The following MAP3K5 variants were observed in gnomAD, a reference collection of about 807,000 sequenced individuals.
The protein encoded by MAP3K5 is ASK-1.
MAP3K5 carries 56 observed loss-of-function variants against 158.7 expected under a neutral mutation model. The ratio of observed to expected loss-of-function variants is 0.35; its 90% CI spans 0.28 to 0.44. The LOEUF (loss-of-function observed/expected upper bound fraction) is 0.44, where lower values mean the gene tolerates loss of function less well. Among genes scored for constraint, MAP3K5 ranks in the 20% least tolerant of loss-of-function variants. The probability of loss-of-function intolerance (pLI) is 1.00; values close to 1 mark genes in which losing one functional copy is unlikely to be tolerated. For synonymous variants in MAP3K5, 579 were observed against 601.7 expected (o/e 0.96, Z 0.55); for missense variants, 1,294 against 1,674.8 (o/e 0.77, Z 3.97).
At chr6:136,635,383 TA>T (rs1293118777) in intron 14 of MAP3K5, among the ~76,000 whole-genome samples, 1 of 152,014 alleles carries the variant, frequency 6.6e-6, no homozygotes, top group African/African-American at 2.4e-5. Flanking sequence ...GAATAAGAAA[TA>T]AAAAATTGTA....
intron 15 of MAP3K5, among the ~76,000 whole-genome samples, chr6:136,621,031 G>C (rs1173701574): frequency 6.6e-6 from 1 of 151,896 alleles, no homozygotes; most frequent in Non-Finnish European, 1.5e-5. Context: ...AGTAATTGCG[G>C]TTTTTGCCAT....
In MAP3K5 at chr6:136,611,462, A is replaced by G. The variant is rs532949828; in HGVS notation, c.2416-75T>C. On this transcript the variant is annotated intron_variant, in intron 17 of 29. Transcript: ENST00000359015. ...GTCTGTTGTTGACTTGGTAAGTCCA[A>G]TTTAAAAAAAAAAAAGGTGTCCTTA... 577 of 770,670 alleles carry G rather than the reference A, an allele frequency of 7.5e-4. 1 individual carries two copies. The highest frequency in any genetic ancestry group is 3.5e-3 in the Middle Eastern group (14 of 4,056). 47.7% of individuals were successfully genotyped at this position (770,670 alleles called of 1,614,324 possible).
chr6:136,580,529 T>C, intron 24 of MAP3K5, 123 bp from the exon 25 acceptor site: 4 of 569,746 alleles, frequency 7.0e-6, no homozygotes, highest in Non-Finnish European at 1.3e-5. Flanking sequence ...TTGAATTCTT[T>C]GTAATTCTTT....
At position 136,592,191 on chromosome 6, in the gene MAP3K5, T is replaced by C. The variant is rs770762953; in HGVS notation, c.3207A>G (p.Leu1069=). Residue 1069 remains leucine (L), a synonymous_variant, in exon 23 of 30, where the codon CTA becomes CTG. Transcript: ENST00000359015. ...GATTTACCTGAGCTAAAGATTCCAT[T>C]AGGTTTCTCACAATTTTGTCTTGGT... The part of the protein sequence containing the change: ...TEDQDKIVRN[L]MESLAQGAEE... The C allele has an allele frequency of 8.1e-6, 13 of 1,595,896 alleles. No homozygotes were observed. Among genetic ancestry groups the C allele is most frequent in the Admixed American group, 1.8e-5 (1 of 55,910 alleles).
intron 1 of MAP3K5, among the ~76,000 whole-genome samples, chr6:136,790,816 T>C (rs1195777583): frequency 6.6e-6 from 1 of 152,244 alleles, no homozygotes; most frequent in South Asian, 2.1e-4. Context: ...TAAAGGTTAA[T>C]TTCCATAATA....
intron 1 of MAP3K5, among the ~76,000 whole-genome samples, chr6:136,748,056 A>G (rs571128039): frequency 2.6e-4 from 39 of 152,150 alleles, no homozygotes; most frequent in Middle Eastern, 6.8e-3. Flanking sequence ...CAAAATTTCC[A>G]TTTTCTGCCC....
rs1476211065 is a variant in MAP3K5, at chr6:136,765,025, C to T, written c.448+26685G>A. ...CTTCTATCATGTAGCCACCAATGTGCGGCAATGGAGAACTTTTTATACAGT... is the reference window on the plus strand; with the variant it reads ...CTTCTATCATGTAGCCACCAATGTGTGGCAATGGAGAACTTTTTATACAGT... On this transcript the variant is annotated intron_variant, in intron 1 of 29. Coordinates refer to ENST00000359015, the MANE Select transcript of MAP3K5 (RefSeq NM_005923.4). 3.3e-5 allele frequency among the ~76,000 whole-genome samples: 5 copies of T among 152,098 alleles called. No individual in the cohort carries two copies. In the East Asian group the frequency reaches 5.8e-4, roughly 18 times the overall value.
chr6:136,596,723 G>T (rs961045764), intron 21 of MAP3K5, among the ~76,000 whole-genome samples: 2 of 152,226 alleles, frequency 1.3e-5, no homozygotes, highest in African/African-American at 4.8e-5. Context: ...AAGACAGGTG[G>T]TGCTGAGACA....
At chr6:136,753,354 C>A (rs139771968) in intron 1 of MAP3K5, among the ~76,000 whole-genome samples, 25 of 152,170 alleles carry the variant, frequency 1.6e-4, no homozygotes, top group Middle Eastern at 3.4e-3. Flanking sequence ...CATTAGGCAG[C>A]AACATGGTGT....
At chr6:136,723,439 C>T (rs941779218) in intron 1 of MAP3K5, among the ~76,000 whole-genome samples, 3 of 151,898 alleles carry the variant, frequency 2.0e-5, no homozygotes, top group African/African-American at 7.3e-5. Context: ...TATCCATGTG[C>T]ATAAAAAATA....
At chr6:136,583,209 A>G (rs918389483) in intron 24 of MAP3K5, among the ~76,000 whole-genome samples, 1 of 152,236 alleles carries the variant, frequency 6.6e-6, no homozygotes, top group Non-Finnish European at 1.5e-5. Flanking sequence ...CATTTCTCAT[A>G]TAGCATTAGA....
At chr6:136,762,688 T>C (rs1229275499) in intron 1 of MAP3K5, among the ~76,000 whole-genome samples, 1 of 152,200 alleles carries the variant, frequency 6.6e-6, no homozygotes, top group Non-Finnish European at 1.5e-5. Flanking sequence ...ATCTGGAAAC[T>C]ATAATGCTTG....
chr6:136,698,356 G>C, intron 4 of MAP3K5, 133 bp downstream of exon 4: 1 of 693,196 alleles, frequency 1.4e-6, no homozygotes, highest in East Asian at 2.8e-5. Flanking sequence ...TCTACTTGGA[G>C]GATAATAAAC....
intron 12 of MAP3K5, among the ~76,000 whole-genome samples, 168 bp from the exon 13 acceptor site, chr6:136,639,806 A>G (rs1215146553): frequency 6.6e-6 from 1 of 152,214 alleles, no homozygotes; most frequent in African/African-American, 2.4e-5. Flanking sequence ...CCACACTACT[A>G]AAATGATTTA....
intron 1 of MAP3K5, among the ~76,000 whole-genome samples, chr6:136,764,012 C>G (rs968864739): frequency 6.6e-6 from 1 of 152,114 alleles, no homozygotes; most frequent in Non-Finnish European, 1.5e-5. Context: ...CAGAACAGTA[C>G]AAAATAAATT....
chr6:136,725,787 G>A (rs545442117), intron 1 of MAP3K5, among the ~76,000 whole-genome samples: 5 of 152,150 alleles, frequency 3.3e-5, no homozygotes, highest in Non-Finnish European at 5.9e-5. Flanking sequence ...GGTCACAAAA[G>A]TTTTCTTTTA....
rs530085620 is a variant in MAP3K5, at chr6:136,639,389, A to T, written c.1934+154T>A. ...GAAAACCCCCCCCCAAAATCTGTTA[A>T]ATTTATGATATAATTATAAAATATT... On this transcript the variant is annotated intron_variant, in intron 13 of 29. Coordinates refer to ENST00000359015, the MANE Select transcript of MAP3K5 (RefSeq NM_005923.4). 8.5e-5 allele frequency among the ~76,000 whole-genome samples: 13 copies of T among 152,242 alleles called. No homozygotes were observed. In the Middle Eastern group the frequency reaches 0.01, roughly 119 times the overall value.
intron 1 of MAP3K5, among the ~76,000 whole-genome samples, chr6:136,753,689 C>A (rs982899733): frequency 6.6e-6 from 1 of 152,144 alleles, no homozygotes; most frequent in African/African-American, 2.4e-5. Flanking sequence ...CTCATTCAGG[C>A]ATTTGTACTA....
intron 1 of MAP3K5, among the ~76,000 whole-genome samples, chr6:136,736,558 T>C (rs528106824): frequency 6.6e-6 from 1 of 152,344 alleles, no homozygotes. Context: ...TATTCATTGT[T>C]AACTGATCTT....
Sources: allele counts gnomAD v4.1 joint callset (sites outside exome capture counted in the v4.1 genomes callset), GRCh38; gene constraint gnomAD v4.1.1; transcripts MANE v1.5; gene names NCBI Gene and HGNC (gene_info 2026-07-23, HGNC 2026-07-21).